Variants in RALGPS1 observed in about 807,000 individuals in gnomAD.
The protein encoded by RALGPS1 is Ral GEF with PH domain and SH3 binding motif 1.
A neutral mutation model predicts 78.8 loss-of-function variants in RALGPS1; 19 were observed. The observed-to-expected ratio is 0.24, with a 90% CI of 0.17 to 0.35. The LOEUF is 0.35. Ranked by LOEUF, RALGPS1 falls within the 10% of genes least tolerant of loss-of-function variation. The pLI, the probability that RALGPS1 is intolerant of heterozygous loss-of-function variation, is 1.00. For missense variants in RALGPS1, 454 were observed against 688.3 expected (o/e 0.66, Z 3.81); for synonymous variants, 228 against 256.3 (o/e 0.89, Z 1.06).
chr9:127,043,662 A>G (rs1164891183), intron 5 of RALGPS1, among the ~76,000 whole-genome samples: 1 of 152,222 alleles, frequency 6.6e-6, no homozygotes, highest in Non-Finnish European at 1.5e-5. Flanking sequence ...AAAGAGAATT[A>G]AAAGACTTAC....
intron 13 of RALGPS1, 24 bp downstream of exon 13, chr9:127,196,655 G>T (rs1310851591): frequency 6.4e-7 from 1 of 1,562,774 alleles, no homozygotes; most frequent in Admixed American, 1.9e-5. Flanking sequence ...GCCTGCACAT[G>T]ATAGGCTGGT....
chr9:127,075,291 A>G (rs2050578734), intron 8 of RALGPS1, among the ~76,000 whole-genome samples: 1 of 152,212 alleles, frequency 6.6e-6, no homozygotes, highest in Non-Finnish European at 1.5e-5. Flanking sequence ...CTTATGTTGC[A>G]TCTGACATAT....
At chr9:127,035,080 A>G (rs2046753077) in intron 5 of RALGPS1, among the ~76,000 whole-genome samples, 1 of 152,110 alleles carries the variant, frequency 6.6e-6, no homozygotes. Flanking sequence ...CTCATGTTGT[A>G]TAACTCTGTA....
chr9:127,081,646 G>A (rs547488865), intron 8 of RALGPS1, among the ~76,000 whole-genome samples: 85 of 152,364 alleles, frequency 5.6e-4, no homozygotes, highest in Middle Eastern at 3.4e-3. Flanking sequence ...TAGGCTCTGG[G>A]CCATTCCCAG....
At chr9:127,075,442 C>A (rs1411022603) in intron 8 of RALGPS1, among the ~76,000 whole-genome samples, 1 of 152,212 alleles carries the variant, frequency 6.6e-6, no homozygotes, top group Non-Finnish European at 1.5e-5. Flanking sequence ...GGAGTTCCAC[C>A]TGCATGCATG....
chr9:127,136,164 C>G (rs2057377986), intron 8 of RALGPS1, among the ~76,000 whole-genome samples: 1 of 152,184 alleles, frequency 6.6e-6, no homozygotes, highest in Non-Finnish European at 1.5e-5. Flanking sequence ...TCCACAAATG[C>G]CCGAAGGCCC....
chr9:126,954,746 G>A (rs1187161516), intron 1 of RALGPS1, among the ~76,000 whole-genome samples: 1 of 152,218 alleles, frequency 6.6e-6, no homozygotes, highest in African/African-American at 2.4e-5. Flanking sequence ...ATGTTGCAGT[G>A]AGCCAAGATT....
intron 5 of RALGPS1, among the ~76,000 whole-genome samples, chr9:127,046,098 T>C (rs1170658644): frequency 6.6e-6 from 1 of 152,192 alleles, no homozygotes; most frequent in East Asian, 1.9e-4. Flanking sequence ...AGGCCAAAGC[T>C]GGAACAATTT....
At chr9:127,188,175 C>T (rs1044471153) in intron 11 of RALGPS1, among the ~76,000 whole-genome samples, 4 of 150,892 alleles carry the variant, frequency 2.7e-5, no homozygotes, top group Non-Finnish European at 5.9e-5. Context: ...GATTCTCCTG[C>T]CTCAGCCTCC....
intron 11 of RALGPS1, among the ~76,000 whole-genome samples, chr9:127,179,049 G>A (rs1588370912): frequency 6.6e-6 from 1 of 152,220 alleles, no homozygotes; most frequent in South Asian, 2.1e-4. Context: ...TAGGCACCTG[G>A]TCCTCAGAGG....
At chr9:127,174,979 C>T (rs544063913) in intron 11 of RALGPS1, among the ~76,000 whole-genome samples, 197 bp downstream of exon 11, 4 of 152,304 alleles carry the variant, frequency 2.6e-5, no homozygotes, top group South Asian at 2.1e-4. Flanking sequence ...CCCTCTGTGC[C>T]GGGGCTCCCT....
In RALGPS1 at chr9:127,038,766, G is replaced by C. The variant is rs373982513; in HGVS notation, c.300+4252G>C. 2.2e-4 allele frequency among the ~76,000 whole-genome samples: 33 copies of C among 152,334 alleles called. 1 individual carries two copies. The East Asian group carries it at 2.3e-3, about 11-fold the overall frequency. Reference sequence around the variant, plus strand: ...CTAGGACGGGGAAACCAGAGGAAAGGCATGTGCAGGAGCAAGGGAGGCCAG... The same window carrying C: ...CTAGGACGGGGAAACCAGAGGAAAGCCATGTGCAGGAGCAAGGGAGGCCAG... On this transcript the variant is annotated intron_variant, in intron 5 of 18. Coordinates refer to ENST00000259351, the MANE Select transcript of RALGPS1 (RefSeq NM_014636.3).
intron 4 of RALGPS1, among the ~76,000 whole-genome samples, chr9:126,997,867 G>A (rs563764789): frequency 1.3e-4 from 20 of 152,050 alleles, no homozygotes; most frequent in East Asian, 7.7e-4. Flanking sequence ...ACAATGCTTC[G>A]TATCTACAAC....
chr9:127,199,831 A>C (rs2061536028), intron 14 of RALGPS1, among the ~76,000 whole-genome samples: 1 of 152,288 alleles, frequency 6.6e-6, no homozygotes, highest in South Asian at 2.1e-4. Flanking sequence ...GAGGCGGGAA[A>C]CATCCAGTGA....
rs2062311498 is a variant in RALGPS1 at position 127,212,315 on chromosome 9, A to G, written c.1353+79A>G. 6 of 1,109,436 alleles carry G rather than the reference A, an allele frequency of 5.4e-6. No individual in the cohort carries two copies. The East Asian group carries it at 1.5e-4, about 28-fold the overall frequency. 68.7% of individuals were successfully genotyped at this position (1,109,436 alleles called of 1,614,324 possible). On this transcript the variant is annotated intron_variant, in intron 15 of 18. Transcript: ENST00000259351. The surrounding 1 kb of genome is among the most constrained non-coding windows in gnomAD (Gnocchi z 6.0). ...AGTGCCCACTCCTAGAGGTCTCAGCAAAAGTCACATGCATGGCAGAGGCTC... is the reference window on the plus strand; with the variant it reads ...AGTGCCCACTCCTAGAGGTCTCAGCGAAAGTCACATGCATGGCAGAGGCTC...
At chr9:127,158,257 T>C (rs540957881) in intron 8 of RALGPS1, among the ~76,000 whole-genome samples, 1 of 152,186 alleles carries the variant, frequency 6.6e-6, no homozygotes, top group South Asian at 2.1e-4. Flanking sequence ...GCAAAAGTAA[T>C]TGCAGTTTCT....
chr9:127,213,111 G>C (rs566814374), intron 17 of RALGPS1, 62 bp downstream of exon 17: 13 of 1,595,094 alleles, frequency 8.1e-6, no homozygotes, highest in Non-Finnish European at 6.8e-6. Flanking sequence ...CTCTTGCACA[G>C]CGTGCATTTT....
At chr9:127,077,119 G>A (rs2050749196) in intron 8 of RALGPS1, among the ~76,000 whole-genome samples, 1 of 152,196 alleles carries the variant, frequency 6.6e-6, no homozygotes, top group South Asian at 2.1e-4. Context: ...AAGCAGGAGG[G>A]AGCCATGAAA....
At chr9:127,064,443 A>G (rs896984779) in intron 7 of RALGPS1, among the ~76,000 whole-genome samples, 3 of 152,256 alleles carry the variant, frequency 2.0e-5, no homozygotes, top group African/African-American at 7.2e-5. Context: ...ACTTATTATC[A>G]GCATTACATG....
Sources: allele counts gnomAD v4.1 joint callset (sites outside exome capture counted in the v4.1 genomes callset), GRCh38; gene constraint gnomAD v4.1.1; non-coding constraint Gnocchi (gnomAD v3.1); transcripts MANE v1.5; gene names NCBI Gene and HGNC (gene_info 2026-07-23, HGNC 2026-07-21).